Variants in SNX30 observed in about 807,000 individuals in gnomAD.
SNX30 encodes the protein sorting nexin-30.
A neutral mutation model predicts 46.4 loss-of-function variants in SNX30; 24 were observed. That is an observed-to-expected ratio of 0.52 (90% CI 0.37 to 0.73). SNX30 has a LOEUF of 0.73. Among genes scored for constraint, SNX30 ranks in the 30% least tolerant of loss-of-function variants. The pLI is 0.00. For missense variants in SNX30, 533 were observed against 555.7 expected (o/e 0.96, Z 0.41); for synonymous variants, 189 against 211.5 (o/e 0.89, Z 0.92).
At chr9:112,879,792 C>A, downstream of SNX30, 1 of 1,613,138 alleles carries the variant, frequency 6.2e-7, no homozygotes, top group Non-Finnish European at 8.5e-7. Context: ...CATATGGTGA[C>A]AATGGGACTT....
intron 3 of SNX30, among the ~76,000 whole-genome samples, chr9:112,818,199 CTTTTTT>C (rs10574279): frequency 5.2e-5 from 6 of 114,398 alleles, no homozygotes; most frequent in Admixed American, 8.9e-5. Context: ...AAATTTAAAT[CTTTTTT>C]TTTTTTTTTT....
chr9:112,865,636 T>G (rs1444249172), intron 8 of SNX30, among the ~76,000 whole-genome samples: 2 of 121,374 alleles, frequency 1.6e-5, no homozygotes, highest in African/African-American at 6.8e-5. Flanking sequence ...TATATATATA[T>G]ATATATATAT....
At chr9:112,863,219 G>A (rs898314337) in intron 7 of SNX30, among the ~76,000 whole-genome samples, 4 of 152,184 alleles carry the variant, frequency 2.6e-5, no homozygotes, top group African/African-American at 9.7e-5. Flanking sequence ...TGGTGGAAGT[G>A]GACTCCCAGG....
At chr9:112,828,627 C>T (rs760697510) in intron 3 of SNX30, among the ~76,000 whole-genome samples, 2 of 152,128 alleles carry the variant, frequency 1.3e-5, no homozygotes, top group Non-Finnish European at 2.9e-5. Context: ...CAGGAATAAG[C>T]GGAGATCTGA....
intron 1 of SNX30, among the ~76,000 whole-genome samples, chr9:112,763,481 C>T (rs1041083192): frequency 2.7e-5 from 4 of 148,374 alleles, no homozygotes; most frequent in Admixed American, 2.1e-4. Flanking sequence ...CTCGGCCTCC[C>T]AAAGTGCTGG....
rs1181476097 is a variant in SNX30, at chr9:112,838,553, G to A, written c.870G>A (p.Leu290=). The A allele has an allele frequency of 6.2e-7, 1 of 1,614,174 alleles. No homozygotes were observed. Among genetic ancestry groups the A allele is most frequent in the East Asian group, 2.2e-5 (1 of 44,880 alleles). ...CTGTGTACTCCACATGGAGCGCCTT[G>A]GAGGGTGAGCTGGCTGAACCCCTGG... is the stretch of plus-strand genomic sequence containing the variant. ...YGPVYSTWSA[L]EGELAEPLEG... The change falls in exon 6 of 9, where the codon TTG becomes TTA. Residue 290 remains leucine (L), a synonymous_variant. Coordinates refer to ENST00000374232, the MANE Select transcript of SNX30 (RefSeq NM_001012994.2).
At chr9:112,803,780 A>G (rs1461162022) in intron 1 of SNX30, among the ~76,000 whole-genome samples, 8 of 11,000 alleles carry the variant, frequency 7.3e-4, no homozygotes, top group Non-Finnish European at 1.0e-3. Flanking sequence ...TGTGCTAGCA[A>G]TCAGCGAGAT....
chr9:112,752,788 G>C (rs1839297260), intron 1 of SNX30, among the ~76,000 whole-genome samples: 1 of 152,182 alleles, frequency 6.6e-6, no homozygotes, highest in African/African-American at 2.4e-5. Flanking sequence ...GTGTCTGTGG[G>C]ACAATCTGAG....
At chr9:112,778,215 T>C (rs1042637322) in intron 1 of SNX30, among the ~76,000 whole-genome samples, 2 of 151,220 alleles carry the variant, frequency 1.3e-5, no homozygotes, top group African/African-American at 4.9e-5. Flanking sequence ...TGGAAATTGC[T>C]GGGCCATATA....
At chr9:112,765,966 G>A (rs575121132) in intron 1 of SNX30, among the ~76,000 whole-genome samples, 2 of 152,170 alleles carry the variant, frequency 1.3e-5, no homozygotes, top group African/African-American at 4.8e-5. Flanking sequence ...ACCATGTCTG[G>A]CTGATTTTTG....
intron 1 of SNX30, among the ~76,000 whole-genome samples, chr9:112,788,457 T>C (rs1446969965): frequency 2.0e-5 from 3 of 152,102 alleles, no homozygotes; most frequent in Non-Finnish European, 2.9e-5. Flanking sequence ...TTAAGAGGAA[T>C]TGGGCGAAGG....
intron 1 of SNX30, among the ~76,000 whole-genome samples, chr9:112,755,536 A>AG (rs1388390017): frequency 6.6e-6 from 1 of 151,778 alleles, no homozygotes; most frequent in Admixed American, 6.6e-5. Flanking sequence ...CTTGAGCAGG[A>AG]GGGGGGCATA....
In SNX30 at chr9:112,804,819, G is replaced by T; in HGVS notation, c.200G>T (p.Ser67Ile). 6.2e-7 allele frequency: 1 copy of T among 1,613,684 alleles called. No homozygotes were observed. The highest frequency in any genetic ancestry group is 8.5e-7 in the Non-Finnish European group (1 of 1,179,732). The change falls in exon 2 of 9, where the codon AGT becomes ATT. Residue 67 changes from serine to isoleucine, a missense_variant. By Grantham distance (142) the Ser-to-Ile change is moderately radical (BLOSUM62 -2). Around this residue, in one of 3 missense-constraint regions of SNX30, gnomAD observed 191 missense variants for 160.3 expected, o/e 1.19. Coordinates refer to ENST00000374232, the MANE Select transcript of SNX30 (RefSeq NM_001012994.2). ...PNGGTPAGTS[S>I]PASSSSLLNR... ...GGTGGTACTCCAGCAGGTACTTCAA[G>T]TCCAGCTTCTTCATCTTCCCTTCTC...
At chr9:112,766,114 C>G (rs185474414) in intron 1 of SNX30, among the ~76,000 whole-genome samples, 4 of 152,218 alleles carry the variant, frequency 2.6e-5, no homozygotes, top group Admixed American at 1.3e-4. Context: ...GATCTATTTT[C>G]TTAGCAGATT....
chr9:112,778,305 C>T (rs1354043267), intron 1 of SNX30, among the ~76,000 whole-genome samples: 1 of 132,972 alleles, frequency 7.5e-6, no homozygotes, highest in Non-Finnish European at 1.5e-5. Context: ...TGGAGTCTTG[C>T]TCTGTCACCC....
intron 5 of SNX30, among the ~76,000 whole-genome samples, chr9:112,836,798 G>T (rs1461773153): frequency 2.0e-5 from 3 of 152,202 alleles, no homozygotes; most frequent in Non-Finnish European, 2.9e-5. Flanking sequence ...CAGAAAGATA[G>T]CATGGAGACC....
intron 1 of SNX30, among the ~76,000 whole-genome samples, chr9:112,786,831 C>T (rs906197138): frequency 2.6e-5 from 4 of 152,092 alleles, no homozygotes; most frequent in African/African-American, 7.2e-5. Flanking sequence ...ATTTTCTTTA[C>T]CTCTCCTTGT....
intron 7 of SNX30, among the ~76,000 whole-genome samples, chr9:112,864,006 G>A (rs887089963): frequency 2.0e-5 from 3 of 152,226 alleles, no homozygotes; most frequent in Admixed American, 6.5e-5. Context: ...TTTCCCCCAC[G>A]AGTCTCTGTT....
At chr9:112,876,104 AGGT>A (rs1841513648), downstream of SNX30, among the ~76,000 whole-genome samples, 1 of 152,088 alleles carries the variant, frequency 6.6e-6, no homozygotes, top group Non-Finnish European at 1.5e-5. Context: ...CTTTTTAACA[AGGT>A]GATGGAAATA....
Sources: gnomAD v4.1 joint callset for allele counts (sites outside exome capture counted in the v4.1 genomes callset) on GRCh38, gnomAD v4.1.1 for gene constraint, gnomAD v4.1.1 regional missense constraint, MANE v1.5 for transcripts, NCBI Gene and HGNC (gene_info 2026-07-23, HGNC 2026-07-21) for gene names.